Variants in MYMX observed in about 807,000 individuals in gnomAD.
MYMX encodes myomixer, myoblast fusion factor, also known as protein myomixer.
chr6:44,201,961 C>G, the MYMX span, among the ~76,000 whole-genome samples: 1 of 151,982 alleles, frequency 6.6e-6, no homozygotes, highest in African/African-American at 2.4e-5. Flanking sequence ...CTCAGAAGCA[C>G]CTCCAGCCAA....
chr6:44,194,732 G>T, the MYMX span, among the ~76,000 whole-genome samples: 14 of 152,142 alleles, frequency 9.2e-5, no homozygotes, highest in African/African-American at 3.1e-4. Context: ...CTCCCTAACT[G>T]CCAGGCCACA....
rs1249453586 is a variant in MYMX, at chr6:44,217,605, T to C, written c.134T>C (p.Met45Thr). 5.0e-6 allele frequency: 2 copies of C among 401,730 alleles called. No individual in the cohort carries two copies. The highest frequency in any genetic ancestry group is 3.6e-5 in the East Asian group (1 of 28,076). 24.9% of individuals were successfully genotyped at this position (401,730 alleles called of 1,614,324 possible). ...GCCCGCCGCCTGGGCTCCCAGGACA[T>C]GCGAGAGGCTTTGCTGGGCTGTCTG... Reference protein sequence around the residue: ...RLARRLGSQDMREALLGCLLF... With the variant: ...RLARRLGSQDTREALLGCLLF... The change falls in exon 2 of 2, where the codon ATG (methionine) becomes ACG (threonine). Residue 45 changes from methionine to threonine, a missense_variant. Met to Thr is a moderately conservative substitution (Grantham distance 81, BLOSUM62 -1). Transcript: ENST00000573382.
the MYMX span, among the ~76,000 whole-genome samples, chr6:44,195,001 C>A: frequency 6.6e-6 from 1 of 151,768 alleles, no homozygotes; most frequent in Non-Finnish European, 1.5e-5. Context: ...TTTCCATTTT[C>A]TTTTTATTTA....
the MYMX span, among the ~76,000 whole-genome samples, chr6:44,203,827 ATGTTT>A: frequency 1.3e-5 from 2 of 152,004 alleles, no homozygotes; most frequent in Non-Finnish European, 2.9e-5. Flanking sequence ...CAAGGAACTT[ATGTTT>A]TATTTCTTTA....
the MYMX span, among the ~76,000 whole-genome samples, chr6:44,194,633 C>T: frequency 6.6e-6 from 1 of 152,188 alleles, no homozygotes; most frequent in Non-Finnish European, 1.5e-5. Context: ...GGAAAGGGGT[C>T]AGCTCTAGAC....
the MYMX span, among the ~76,000 whole-genome samples, chr6:44,210,449 G>A: frequency 2.0e-5 from 3 of 151,898 alleles, no homozygotes; most frequent in Non-Finnish European, 4.4e-5. Context: ...CTGGCTGATG[G>A]TTTTATTTTT....
chr6:44,198,118 T>G, the MYMX span, among the ~76,000 whole-genome samples: 1 of 150,638 alleles, frequency 6.6e-6, no homozygotes, highest in East Asian at 1.9e-4. Context: ...TGTAAGAATC[T>G]ATACAACACA....
chr6:44,210,486 T>C, the MYMX span, among the ~76,000 whole-genome samples: 2 of 152,070 alleles, frequency 1.3e-5, no homozygotes, highest in Non-Finnish European at 2.9e-5. Flanking sequence ...GGTCTCCCTA[T>C]GTTGCCCAGG....
the MYMX span, among the ~76,000 whole-genome samples, chr6:44,204,728 T>C: frequency 6.6e-6 from 1 of 152,132 alleles, no homozygotes; most frequent in Non-Finnish European, 1.5e-5. Context: ...CCATCACCCC[T>C]AGAGGCCCCA....
chr6:44,193,276 C>CT, the MYMX span, among the ~76,000 whole-genome samples: 13,169 of 151,464 alleles, frequency 0.087, 651 homozygotes, highest in Middle Eastern at 0.2. Flanking sequence ...TTTTCTTTTT[C>CT]TTTTTTTTTC....
the MYMX span, among the ~76,000 whole-genome samples, chr6:44,210,866 C>G: frequency 6.6e-6 from 1 of 152,186 alleles, no homozygotes; most frequent in Non-Finnish European, 1.5e-5. Flanking sequence ...CAGTGGCTCA[C>G]GCCTGTAATC....
chr6:44,198,298 G>A, the MYMX span, among the ~76,000 whole-genome samples: 1 of 149,498 alleles, frequency 6.7e-6, no homozygotes, highest in Non-Finnish European at 1.5e-5. Flanking sequence ...GAGTAGCTGG[G>A]ACTACAGGTG....
At chr6:44,212,585 A>G (rs1775649844), upstream of MYMX, among the ~76,000 whole-genome samples, 1 of 151,974 alleles carries the variant, frequency 6.6e-6, no homozygotes, top group Non-Finnish European at 1.5e-5. Context: ...ACAATTATTT[A>G]TCAATTAAAA....
At chr6:44,211,865 C>T in the MYMX span, among the ~76,000 whole-genome samples, 2 of 147,642 alleles carry the variant, frequency 1.4e-5, no homozygotes, top group Non-Finnish European at 3.0e-5. Context: ...AGGCTGGTCT[C>T]GAACTCCTGA....
At chr6:44,200,857 G>A in the MYMX span, among the ~76,000 whole-genome samples, 1 of 152,118 alleles carries the variant, frequency 6.6e-6, no homozygotes, top group Admixed American at 6.5e-5. Context: ...TCAGCTGAGT[G>A]GGGGGTGGGG....
chr6:44,194,325 G>T, the MYMX span, among the ~76,000 whole-genome samples: 2 of 152,158 alleles, frequency 1.3e-5, no homozygotes, highest in African/African-American at 4.8e-5. Context: ...GGAAGATGGG[G>T]CAAGGGGGGA....
chr6:44,204,095 C>T, the MYMX span, among the ~76,000 whole-genome samples: 4 of 152,160 alleles, frequency 2.6e-5, no homozygotes, highest in East Asian at 1.9e-4. Flanking sequence ...GTGATCCACC[C>T]GCCTTGGTCT....
chr6:44,198,763 G>A, the MYMX span, among the ~76,000 whole-genome samples: 4 of 151,444 alleles, frequency 2.6e-5, no homozygotes, highest in African/African-American at 9.7e-5. Flanking sequence ...TTACAGGCGT[G>A]CACCACCATG....
At chr6:44,198,398 C>T in the MYMX span, among the ~76,000 whole-genome samples, 2 of 152,034 alleles carry the variant, frequency 1.3e-5, no homozygotes, top group African/African-American at 4.8e-5. Context: ...ATCTCCTGAC[C>T]TCGTGATCTA....
Sources: gnomAD v4.1 joint callset for allele counts (sites outside exome capture counted in the v4.1 genomes callset) on GRCh38, gnomAD v4.1.1 for gene constraint, MANE v1.5 for transcripts, NCBI Gene and HGNC (gene_info 2026-07-23, HGNC 2026-07-21) for gene names.